The following INSC variants were observed in gnomAD, a reference collection of about 807,000 sequenced individuals.
INSC encodes INSC spindle orientation adaptor protein.
In INSC, 67 loss-of-function variants were observed where a neutral mutation model predicts 58.6. The ratio of observed to expected loss-of-function variants is 1.14; its 90% confidence interval spans 0.94 to 1.40. INSC has a LOEUF of 1.40. INSC is among the 40% of genes most tolerant of loss of function. The probability of loss-of-function intolerance (pLI) is 0.00; values close to 1 mark genes in which losing one functional copy is unlikely to be tolerated. For missense variants in INSC, 714 were observed against 692.0 expected, an observed-to-expected ratio of 1.03 and a Z score of -0.36; for synonymous variants, 262 against 276.1, an observed-to-expected ratio of 0.95 and a Z score of 0.51.
chr11:15,112,738 T>C (rs1282932464), upstream of INSC, among the ~76,000 whole-genome samples: 2 of 152,062 alleles, frequency 1.3e-5, no homozygotes, highest in African/African-American at 4.8e-5. Flanking sequence ...ACACAGAGTT[T>C]GGGCCTGGAA....
intron 1 of INSC, among the ~76,000 whole-genome samples, chr11:15,124,837 G>A (rs1847953415): frequency 6.6e-6 from 1 of 152,126 alleles, no homozygotes; most frequent in African/African-American, 2.4e-5. Flanking sequence ...AATGCCTGAA[G>A]GTTGCAAGGG....
intron 7 of INSC, among the ~76,000 whole-genome samples, chr11:15,220,453 A>G (rs896297445): frequency 6.6e-6 from 1 of 152,060 alleles, no homozygotes. Context: ...TTGTGTACTG[A>G]CCCCAATGGA....
chr11:15,266,147 G>C, the INSC span, among the ~76,000 whole-genome samples: 1 of 151,704 alleles, frequency 6.6e-6, no homozygotes, highest in African/African-American at 2.4e-5. Flanking sequence ...ATCTAACCAA[G>C]AGTTAGTTTT....
At chr11:15,143,014 C>T (rs992971946) in intron 1 of INSC, among the ~76,000 whole-genome samples, 1 of 151,976 alleles carries the variant, frequency 6.6e-6, no homozygotes, top group African/African-American at 2.4e-5. Flanking sequence ...CCATTGTCTC[C>T]AGTTTATCTG....
At chr11:15,116,518 A>T (rs968702313) in intron 1 of INSC, among the ~76,000 whole-genome samples, 1 of 152,100 alleles carries the variant, frequency 6.6e-6, no homozygotes, top group African/African-American at 2.4e-5. Context: ...ACCACTGGGC[A>T]CACACTATAC....
At chr11:15,112,379 C>A, upstream of INSC, 1 of 1,114,984 alleles carries the variant, frequency 9.0e-7, no homozygotes, top group Non-Finnish European at 1.3e-6. Context: ...CTTCTCAGGG[C>A]CATGGCCCAG....
chr11:15,247,757 T>TATATATATATATATATATA (rs1248973797), downstream of INSC, among the ~76,000 whole-genome samples: 3 of 95,470 alleles, frequency 3.1e-5, no homozygotes, highest in African/African-American at 3.8e-5. Flanking sequence ...ATATATATAT[T>TATATATATATATATATATA]TCACTGAGTT....
At chr11:15,182,589 C>A (rs1849819885) in intron 5 of INSC, among the ~76,000 whole-genome samples, 1 of 152,172 alleles carries the variant, frequency 6.6e-6, no homozygotes, top group African/African-American at 2.4e-5. Flanking sequence ...TCCCATTCAG[C>A]ATATTCAAAA....
At chr11:15,124,333 G>A (rs573867441) in intron 1 of INSC, among the ~76,000 whole-genome samples, 106 of 152,236 alleles carry the variant, frequency 7.0e-4, no homozygotes, top group African/African-American at 2.4e-3. Flanking sequence ...GACCAGAAGT[G>A]GCCACACTGA....
At chr11:15,183,457 G>GT (rs1849855313) in intron 5 of INSC, among the ~76,000 whole-genome samples, 1 of 151,326 alleles carries the variant, frequency 6.6e-6, no homozygotes, top group African/African-American at 2.4e-5. Flanking sequence ...GTGTGTGTGT[G>GT]TATGTGTGTT....
chr11:15,176,314 C>G (rs945870531), intron 3 of INSC, among the ~76,000 whole-genome samples: 1 of 151,888 alleles, frequency 6.6e-6, no homozygotes. Flanking sequence ...CCTGCACAAC[C>G]TGTGAGGTAG....
chr11:15,243,646 CTT>C (rs917890198), intron 12 of INSC, among the ~76,000 whole-genome samples: 6 of 152,070 alleles, frequency 3.9e-5, no homozygotes, highest in African/African-American at 1.2e-4. Flanking sequence ...AAGGGTGTCT[CTT>C]CTCTCTCTGC....
intron 1 of INSC, among the ~76,000 whole-genome samples, chr11:15,139,224 A>G (rs906203362): frequency 2.6e-5 from 4 of 152,304 alleles, no homozygotes; most frequent in African/African-American, 9.6e-5. Context: ...AATTTTCACC[A>G]CGTTGGAGCG....
intron 5 of INSC, among the ~76,000 whole-genome samples, chr11:15,187,648 G>C (rs931577484): frequency 6.6e-6 from 1 of 152,194 alleles, no homozygotes; most frequent in African/African-American, 2.4e-5. Flanking sequence ...ATCCAGAGAA[G>C]TTAAACTGCA....
chr11:15,201,981 T>C (rs1291199224), intron 7 of INSC, among the ~76,000 whole-genome samples: 1 of 152,218 alleles, frequency 6.6e-6, no homozygotes, highest in Non-Finnish European at 1.5e-5. Context: ...CTTTTTACCC[T>C]GTCTCCTTCC....
intron 9 of INSC, among the ~76,000 whole-genome samples, chr11:15,234,116 C>G (rs1318187743): frequency 2.0e-5 from 3 of 152,180 alleles, no homozygotes; most frequent in Admixed American, 6.5e-5. Context: ...CTAGTCACCC[C>G]CTTCTTAAAA....
intron 1 of INSC, among the ~76,000 whole-genome samples, chr11:15,121,938 C>CTA (rs1847883667): frequency 6.6e-6 from 1 of 152,176 alleles, no homozygotes; most frequent in African/African-American, 2.4e-5. Context: ...TTACTATTTA[C>CTA]TATAGCAAGA....
intron 9 of INSC, among the ~76,000 whole-genome samples, chr11:15,226,764 C>T (rs1851656079): frequency 6.6e-6 from 1 of 152,198 alleles, no homozygotes; most frequent in Admixed American, 6.5e-5. Context: ...CTGGAATTGC[C>T]TCCTTTTCTT....
chr11:15,191,713 G>A (rs1850185682), intron 6 of INSC, among the ~76,000 whole-genome samples: 1 of 152,110 alleles, frequency 6.6e-6, no homozygotes, highest in African/African-American at 2.4e-5. Flanking sequence ...GGAGAAAGAG[G>A]AGGAACAGAT....
Sources: allele counts gnomAD v4.1 joint callset (sites outside exome capture counted in the v4.1 genomes callset), GRCh38; gene constraint gnomAD v4.1.1; transcripts MANE v1.5; gene names NCBI Gene and HGNC (gene_info 2026-07-23, HGNC 2026-07-21).